RBFOX1: variants seen among roughly 807,000 people sequenced by gnomAD.
The protein encoded by RBFOX1 is RNA binding fox-1 homolog 1, also known as RNA binding protein fox-1 homolog 1.
In RBFOX1, 8 loss-of-function variants were observed where a neutral mutation model predicts 57.7. That is an observed-to-expected ratio of 0.14 (90% confidence interval 0.08 to 0.25). The LOEUF is 0.25. Among genes scored for constraint, RBFOX1 ranks in the 10% least tolerant of loss-of-function variants. RBFOX1 has a pLI of 1.00. For missense variants in RBFOX1, 611 were observed against 548.5 expected, an observed-to-expected ratio of 1.11 and a Z score of -1.14; for synonymous variants, 326 against 222.4, an observed-to-expected ratio of 1.47 and a Z score of -4.15.
chr16:7,188,975 G>T (rs2084628401), intron 4 of RBFOX1, among the ~76,000 whole-genome samples: 1 of 152,106 alleles, frequency 6.6e-6, no homozygotes, highest in African/African-American at 2.4e-5. Flanking sequence ...AACCACTCAA[G>T]GAAGGGTTGG....
chr16:6,722,281 T>A (rs958860077), intron 3 of RBFOX1, among the ~76,000 whole-genome samples: 2 of 152,076 alleles, frequency 1.3e-5, no homozygotes, highest in Non-Finnish European at 2.9e-5. Flanking sequence ...CCTAAGAGTT[T>A]CCACTTCTCC....
intron 4 of RBFOX1, among the ~76,000 whole-genome samples, chr16:5,925,471 A>C (rs2058921302): frequency 6.6e-6 from 1 of 152,188 alleles, no homozygotes; most frequent in Non-Finnish European, 1.5e-5. Flanking sequence ...TGGAAACAGA[A>C]AGTAGATTAA....
At chr16:6,103,804 C>T (rs1350067774) in intron 1 of RBFOX1, among the ~76,000 whole-genome samples, 1 of 152,112 alleles carries the variant, frequency 6.6e-6, no homozygotes, top group East Asian at 1.9e-4. Flanking sequence ...GGGAAAGAGT[C>T]TCCCTGGGGC....
At position 7,076,234 on chromosome 16, in the gene RBFOX1, A is replaced by C. The variant is rs531708448; in HGVS notation, c.27+24136A>C. The stretch of plus-strand genomic sequence containing the variant: ...ATTTTAGTAGAGATGGGGTTTCACC[A>C]TGTTGGCCAGGATGGTCTTGATCTC... On this transcript the variant is annotated intron_variant, in intron 4 of 15. Transcript: ENST00000550418. Among the ~76,000 whole-genome samples, 4 of 148,314 alleles carry C rather than the reference A, an allele frequency of 2.7e-5. No individual in the cohort carries two copies. The South Asian group carries it at 8.7e-4, about 32-fold the overall frequency.
At chr16:5,324,958 T>C (rs1028562579) in intron 1 of RBFOX1, among the ~76,000 whole-genome samples, 1 of 152,228 alleles carries the variant, frequency 6.6e-6, no homozygotes, top group Admixed American at 6.5e-5. Context: ...AGAACCCTGG[T>C]GATGGGCAGG....
chr16:6,552,735 T>A (rs755596659), intron 2 of RBFOX1, among the ~76,000 whole-genome samples: 2 of 152,110 alleles, frequency 1.3e-5, no homozygotes. Flanking sequence ...TGTGTACATT[T>A]TATACCAAAA....
At chr16:6,741,347 G>A (rs12597770) in intron 3 of RBFOX1, among the ~76,000 whole-genome samples, 2 of 151,980 alleles carry the variant, frequency 1.3e-5, no homozygotes, top group Admixed American at 6.6e-5. Context: ...GTCTATAAAA[G>A]AAAAAAATGA....
intron 2 of RBFOX1, among the ~76,000 whole-genome samples, chr16:6,585,954 T>C (rs905969925): frequency 6.6e-6 from 1 of 152,190 alleles, no homozygotes; most frequent in African/African-American, 2.4e-5. Flanking sequence ...CCAGATACCT[T>C]TAAACAACAG....
chr16:7,571,712 G>A (rs556212026), intron 5 of RBFOX1, among the ~76,000 whole-genome samples: 1 of 152,182 alleles, frequency 6.6e-6, no homozygotes, highest in Non-Finnish European at 1.5e-5. Context: ...GGGAAGCTCT[G>A]CCAAGTGCCG....
chr16:6,431,222 A>G (rs2094073347), intron 2 of RBFOX1, among the ~76,000 whole-genome samples: 1 of 152,040 alleles, frequency 6.6e-6, no homozygotes, highest in African/African-American at 2.4e-5. Flanking sequence ...TAATGGGTTT[A>G]GGAGAAGCAG....
At chr16:6,113,388 T>C (rs1294093578) in intron 1 of RBFOX1, among the ~76,000 whole-genome samples, 1 of 152,194 alleles carries the variant, frequency 6.6e-6, no homozygotes, top group Non-Finnish European at 1.5e-5. Context: ...GATGTGTTTT[T>C]TAATACTACT....
chr16:7,423,187 G>T (rs1489494676), intron 4 of RBFOX1, among the ~76,000 whole-genome samples: 1 of 151,768 alleles, frequency 6.6e-6, no homozygotes, highest in African/African-American at 2.4e-5. Flanking sequence ...CATAGACTTG[G>T]CCTTCTTTTA....
intron 10 of RBFOX1, among the ~76,000 whole-genome samples, chr16:7,607,729 C>G (rs2056615602): frequency 6.6e-6 from 1 of 152,188 alleles, no homozygotes; most frequent in Admixed American, 6.5e-5. Flanking sequence ...TTTTTCCTGG[C>G]AAAGCAGAGA....
chr16:6,852,275 T>C (rs1341961095), intron 3 of RBFOX1, among the ~76,000 whole-genome samples: 1 of 152,138 alleles, frequency 6.6e-6, no homozygotes, highest in Non-Finnish European at 1.5e-5. Context: ...TCTTGCTGTC[T>C]TCCGTTCTGT....
At chr16:6,545,425 A>C (rs981298906) in intron 2 of RBFOX1, among the ~76,000 whole-genome samples, 3 of 152,040 alleles carry the variant, frequency 2.0e-5, no homozygotes, top group African/African-American at 7.2e-5. Context: ...CATCATTCTT[A>C]GGGCTTTCAA....
At chr16:6,433,846 C>CTTT (rs201617630) in intron 2 of RBFOX1, among the ~76,000 whole-genome samples, 22 of 127,160 alleles carry the variant, frequency 1.7e-4, no homozygotes, top group Middle Eastern at 4.5e-3. Context: ...TTTCATTTTT[C>CTTT]TTTTTTTTTT....
intron 4 of RBFOX1, among the ~76,000 whole-genome samples, chr16:6,003,550 C>T (rs967652821): frequency 6.6e-6 from 1 of 151,860 alleles, no homozygotes; most frequent in Non-Finnish European, 1.5e-5. Context: ...GTCATTGCTC[C>T]ACCCCTGCGG....
intron 3 of RBFOX1, among the ~76,000 whole-genome samples, chr16:6,815,048 C>G (rs935196136): frequency 6.6e-6 from 1 of 152,132 alleles, no homozygotes; most frequent in Admixed American, 6.6e-5. Context: ...ATGGATTATT[C>G]ATAGTTTTTC....
intron 3 of RBFOX1, among the ~76,000 whole-genome samples, chr16:7,012,619 C>G (rs544652140): frequency 6.6e-6 from 1 of 152,176 alleles, no homozygotes; most frequent in East Asian, 1.9e-4. Context: ...CAGAATTGTG[C>G]TCCAGAAAAA....
Sources: allele counts gnomAD v4.1 joint callset (sites outside exome capture counted in the v4.1 genomes callset), GRCh38; gene constraint gnomAD v4.1.1; transcripts MANE v1.5; gene names NCBI Gene and HGNC (gene_info 2026-07-23, HGNC 2026-07-21).